The following PCDHA8 variants were observed in gnomAD, a reference collection of about 807,000 sequenced individuals.
The protein encoded by PCDHA8 is protocadherin alpha-8.
Under a neutral mutation model 61.8 loss-of-function variants are expected in PCDHA8, and 53 were observed. The observed-to-expected ratio is 0.86, with a 90% CI of 0.69 to 1.08. The LOEUF (loss-of-function observed/expected upper bound fraction) is 1.08. Ranked by LOEUF, PCDHA8 falls within the 50% of genes least tolerant of loss-of-function variation. PCDHA8 has a pLI of 0.00. For synonymous variants in PCDHA8, 618 were observed against 556.6 expected, an observed-to-expected ratio of 1.11 and a Z score of -1.55; for missense variants, 1,293 against 1,245.0, an observed-to-expected ratio of 1.04 and a Z score of -0.58.
At chr5:141,001,953 G>C (rs55743067) in intron 3 of PCDHA8, among the ~76,000 whole-genome samples, 27 of 152,290 alleles carry the variant, frequency 1.8e-4, no homozygotes, top group Non-Finnish European at 3.5e-4. Context: ...AAGGAGGAGG[G>C]AGAGGCGGGG....
At chr5:140,857,244 C>G in intron 1 of PCDHA8, 1 of 1,598,592 alleles carries the variant, frequency 6.3e-7, no homozygotes, top group Non-Finnish European at 8.6e-7. Context: ...CTGGTGTCCA[C>G]CTACAAGAAT....
At chr5:140,967,784 C>G in intron 1 of PCDHA8, 1 of 1,614,174 alleles carries the variant, frequency 6.2e-7, no homozygotes, top group Non-Finnish European at 8.5e-7. Flanking sequence ...GGCGACTGAC[C>G]GGGGTCCAGT....
At chr5:140,850,090 A>G (rs2150466556) in intron 1 of PCDHA8, 1 of 1,596,664 alleles carries the variant, frequency 6.3e-7, no homozygotes, top group Admixed American at 1.7e-5. Context: ...GAGCTGCTAC[A>G]GTTCCAGGTG....
intron 1 of PCDHA8, among the ~76,000 whole-genome samples, chr5:140,895,352 G>A (rs1322887367): frequency 7.9e-5 from 12 of 151,916 alleles, no homozygotes; most frequent in African/African-American, 2.9e-4. Flanking sequence ...GCTTTCCAGT[G>A]AGTACTTATT....
At chr5:140,997,603 C>T (rs781897268) in intron 3 of PCDHA8, among the ~76,000 whole-genome samples, 2 of 151,824 alleles carry the variant, frequency 1.3e-5, no homozygotes, top group African/African-American at 2.4e-5. Flanking sequence ...GATTATGGGG[C>T]GCATGACTAT....
intron 1 of PCDHA8, chr5:140,870,089 T>A (rs782364525): frequency 6.2e-7 from 1 of 1,613,914 alleles, no homozygotes; most frequent in Admixed American, 1.7e-5. Flanking sequence ...ACTCCCCCAA[T>A]GGCAGGTCAC....
intron 2 of PCDHA8, among the ~76,000 whole-genome samples, chr5:140,981,854 C>T (rs2096954295): frequency 6.6e-6 from 1 of 152,132 alleles, no homozygotes; most frequent in South Asian, 2.1e-4. Flanking sequence ...GTATCTCACT[C>T]CCAGCAATGT....
chr5:140,891,440 G>T (rs1583052190), intron 1 of PCDHA8, among the ~76,000 whole-genome samples: 1 of 147,558 alleles, frequency 6.8e-6, no homozygotes, highest in Admixed American at 6.9e-5. Flanking sequence ...AACGTCCATT[G>T]TATAGGATTT....
In PCDHA8 at chr5:140,876,831, T is replaced by G. The variant is rs201991889; in HGVS notation, c.2394+33116T>G. Reference sequence around the variant, plus strand: ...TGGCCGACGTGAACGACAATGCGCCTGCGTTCGCGCAGCCCGAGTACACAG... The same window carrying G: ...TGGCCGACGTGAACGACAATGCGCCGGCGTTCGCGCAGCCCGAGTACACAG... On this transcript the variant is annotated intron_variant, in intron 1 of 3. Coordinates refer to ENST00000531613, the MANE Select transcript of PCDHA8 (RefSeq NM_018911.3). 1.5e-4 allele frequency: 250 copies of G among 1,614,080 alleles called. 4 individuals are homozygous for G. In the East Asian group the frequency reaches 3.4e-3, roughly 22 times the overall value.
At position 140,841,405 on chromosome 5, in the gene PCDHA8, C is replaced by G. The variant is rs2150314710; in HGVS notation, c.84C>G (p.Ser28Arg). 2 of 1,612,994 alleles carry G rather than the reference C, an allele frequency of 1.2e-6. No individual in the cohort carries two copies. Among genetic ancestry groups the G allele is most frequent in the African/African-American group, 1.3e-5 (1 of 74,836 alleles). ...TCCTCGCAGCCTGGAAGGTGGGGAG[C>G]GGCCAGCTCCACTACTCCGTCCCCG... ...LLLLAAWKVG[S>R]GQLHYSVPEE... Residue 28 changes from serine to arginine, a missense_variant, in exon 1 of 4, where the codon AGC becomes AGG. Ser to Arg is a moderately radical substitution (Grantham distance 110). Coordinates refer to ENST00000531613, the MANE Select transcript of PCDHA8 (RefSeq NM_018911.3).
rs1554140141 is a variant in PCDHA8, at chr5:140,843,498, T to C, written c.2177T>C (p.Leu726Pro). 6.3e-7 allele frequency: 1 copy of C among 1,595,918 alleles called. No homozygotes were observed. The highest frequency in any genetic ancestry group is 1.7e-5 in the Admixed American group (1 of 59,306). ...TACACTGCGCTGCGGTGCTCAGCAC[T>C]GCCCACTGAGGGCGGGTGCCGGGCG... is the stretch of plus-strand genomic sequence containing the variant. ...LLYTALRCSALPTEGGCRAGK... is the reference protein window; with the variant it reads ...LLYTALRCSAPPTEGGCRAGK... Residue 726 changes from leucine (L) to proline (P), a missense_variant, in exon 1 of 4, where the codon CTG becomes CCG. By Grantham distance (98) the Leu-to-Pro change is moderately conservative. Transcript: ENST00000531613.
At position 140,884,772 on chromosome 5, in the gene PCDHA8, T is replaced by G. The variant is rs563372954; in HGVS notation, c.2394+41057T>G. 1.9e-5 allele frequency: 27 copies of G among 1,409,818 alleles called. No homozygotes were observed. In the African/African-American group the frequency reaches 3.6e-4, roughly 19 times the overall value. The allele number at this position is 1,409,818 out of a possible 1,614,324, so 87.3% of individuals were successfully genotyped here. On this transcript the variant is annotated intron_variant, in intron 1 of 3. Transcript: ENST00000531613. Reference sequence around the variant, plus strand: ...TTCAAATTATTCTTTACTTTAATTTTAATTTTGCTAGTTGTTATCGAATTT... The same window carrying G: ...TTCAAATTATTCTTTACTTTAATTTGAATTTTGCTAGTTGTTATCGAATTT...
In PCDHA8 at chr5:140,883,888, T is replaced by G. The variant is rs781919107; in HGVS notation, c.2394+40173T>G. ...AGTTCCAGGTGAGCGCGCGCGACTC[T>G]GGCGTGCCGCCTCTGGGCAGCAACG... On this transcript the variant is annotated intron_variant, in intron 1 of 3. Transcript: ENST00000531613. 33 of 1,612,942 alleles carry G rather than the reference T, an allele frequency of 2.0e-5. No individual in the cohort carries two copies. In the African/African-American group the frequency reaches 2.1e-4, roughly 10 times the overall value.
chr5:140,879,943 G>C (rs1554171086), intron 1 of PCDHA8, among the ~76,000 whole-genome samples: 1 of 152,078 alleles, frequency 6.6e-6, no homozygotes, highest in Non-Finnish European at 1.5e-5. Flanking sequence ...ATTGTATTTA[G>C]GGCCCATCTG....
intron 1 of PCDHA8, among the ~76,000 whole-genome samples, chr5:140,970,255 A>G (rs155806): frequency 0.089 from 13,563 of 152,250 alleles, 783 homozygotes; most frequent in Middle Eastern, 0.22. Context: ...GACAGTTTCT[A>G]TGGTTTTGAT....
At chr5:140,862,800 G>T (rs782261222) in intron 1 of PCDHA8, 1 of 575,550 alleles carries the variant, frequency 1.7e-6, no homozygotes, top group African/African-American at 2.0e-5. Flanking sequence ...AGGAGCTGGA[G>T]CTGCTGCAGT....
In PCDHA8 at chr5:140,973,293, A is replaced by G. The variant is rs150966135; in HGVS notation, c.2395-5656A>G. Among the ~76,000 whole-genome samples, 103 of 152,230 alleles carry G rather than the reference A, an allele frequency of 6.8e-4. No homozygotes were observed. The East Asian group carries it at 0.019, about 27-fold the overall frequency. On this transcript the variant is annotated intron_variant, in intron 1 of 3. Transcript: ENST00000531613. ...TATTTCCCCCAGCACTGATTTTTCT[A>G]TCTGATGACTCTATCCTGGAACAGA...
intron 3 of PCDHA8, among the ~76,000 whole-genome samples, chr5:141,004,120 T>C (rs1340380913): frequency 6.6e-6 from 1 of 152,178 alleles, no homozygotes; most frequent in African/African-American, 2.4e-5. Flanking sequence ...AAAGGGAGTA[T>C]CTCCATGATT....
At chr5:140,887,157 C>T (rs1200573671) in intron 1 of PCDHA8, among the ~76,000 whole-genome samples, 4 of 151,110 alleles carry the variant, frequency 2.6e-5, no homozygotes, top group African/African-American at 9.7e-5. Flanking sequence ...AGTACAGTGG[C>T]GTGATCTCGG....
Sources: gnomAD v4.1 joint callset for allele counts (sites outside exome capture counted in the v4.1 genomes callset) on GRCh38, gnomAD v4.1.1 for gene constraint, MANE v1.5 for transcripts, NCBI Gene and HGNC (gene_info 2026-07-23, HGNC 2026-07-21) for gene names.